The following NRG1 variants were observed in gnomAD, a reference collection of about 807,000 sequenced individuals.
NRG1 encodes the protein pro-neuregulin-1, membrane-bound isoform.
In NRG1, 18 loss-of-function variants were observed where a neutral mutation model predicts 63.8. That is an observed-to-expected ratio of 0.28 (90% CI 0.19 to 0.42). NRG1 has a LOEUF of 0.42. Ranked by LOEUF, NRG1 falls within the 10% of genes least tolerant of loss-of-function variation. The pLI, the probability that NRG1 is intolerant of heterozygous loss-of-function variation, is 1.00. For synonymous variants in NRG1, 302 were observed against 301.3 expected (o/e 1.00, Z -0.02); for missense variants, 762 against 814.7 (o/e 0.94, Z 0.79).
intron 1 of NRG1, among the ~76,000 whole-genome samples, chr8:32,341,464 A>G (rs16879188): frequency 0.093 from 14,137 of 152,204 alleles, 893 homozygotes; most frequent in African/African-American, 0.17. Context: ...CAGAGGAATG[A>G]GGCATTTCGC....
chr8:32,576,375 G>A (rs2466072), intron 1 of NRG1, among the ~76,000 whole-genome samples: 73,551 of 151,602 alleles, frequency 0.49, 18,033 homozygotes, highest in East Asian at 0.78. Context: ...ATTGACTCCT[G>A]GCTATTATTT....
chr8:31,742,382 A>C (rs907966094), intron 1 of NRG1, among the ~76,000 whole-genome samples: 1 of 151,178 alleles, frequency 6.6e-6, no homozygotes, highest in East Asian at 1.9e-4. Context: ...TATTTTATAA[A>C]TATATTCTGC....
chr8:31,882,460 C>T (rs548154025), intron 1 of NRG1, among the ~76,000 whole-genome samples: 2 of 151,746 alleles, frequency 1.3e-5, no homozygotes, highest in South Asian at 2.1e-4. Context: ...CCTACTAACA[C>T]AACATCCATT....
At chr8:32,259,625 C>A (rs535975769) in intron 1 of NRG1, among the ~76,000 whole-genome samples, 1 of 152,314 alleles carries the variant, frequency 6.6e-6, no homozygotes, top group South Asian at 2.1e-4. Flanking sequence ...CCTCCCCCAA[C>A]AGTTCATGTT....
At chr8:32,248,586 C>T (rs1848803149) in intron 1 of NRG1, among the ~76,000 whole-genome samples, 1 of 151,944 alleles carries the variant, frequency 6.6e-6, no homozygotes. Context: ...TAGCTTCAAT[C>T]CAAGGTTTTA....
intron 5 of NRG1, among the ~76,000 whole-genome samples, chr8:32,629,436 T>A (rs1477204287): frequency 6.6e-6 from 1 of 152,188 alleles, no homozygotes; most frequent in Admixed American, 6.5e-5. Context: ...CCAGGGAGTA[T>A]TTATTAAATG....
chr8:32,040,711 CATAT>C (rs67857068), intron 1 of NRG1, among the ~76,000 whole-genome samples: 3,685 of 85,202 alleles, frequency 0.043, 151 homozygotes, highest in African/African-American at 0.069. Context: ...GAAATTTAGG[CATAT>C]ATATATATAT....
chr8:32,229,387 G>C, intron 1 of NRG1, among the ~76,000 whole-genome samples: 1 of 152,176 alleles, frequency 6.6e-6, no homozygotes, highest in East Asian at 1.9e-4. Flanking sequence ...GGGTTCTCCT[G>C]ATTGGGCAAG....
At chr8:31,836,664 C>A (rs185994450) in intron 1 of NRG1, among the ~76,000 whole-genome samples, 1 of 152,068 alleles carries the variant, frequency 6.6e-6, no homozygotes, top group East Asian at 1.9e-4. Context: ...TTGCACGTAC[C>A]AACTGTAGTT....
intron 1 of NRG1, among the ~76,000 whole-genome samples, chr8:32,470,013 A>C (rs1346238296): frequency 2.1e-5 from 3 of 142,614 alleles, no homozygotes. Context: ...GCCAGCCACA[A>C]CGCCCACGCC....
intron 1 of NRG1, among the ~76,000 whole-genome samples, chr8:31,951,937 T>A: frequency 6.6e-6 from 1 of 152,172 alleles, no homozygotes. Flanking sequence ...AAGACAAAAA[T>A]TCCACTCACA....
chr8:31,928,831 C>T (rs1290134875), intron 1 of NRG1, among the ~76,000 whole-genome samples: 1 of 152,120 alleles, frequency 6.6e-6, no homozygotes, highest in African/African-American at 2.4e-5. Flanking sequence ...TATTTAAAGG[C>T]ATCCAGGGTG....
intron 1 of NRG1, among the ~76,000 whole-genome samples, chr8:31,795,769 G>T (rs1476594186): frequency 1.3e-5 from 2 of 152,082 alleles, no homozygotes; most frequent in Non-Finnish European, 2.9e-5. Context: ...TAGTGGTTAA[G>T]GTGCTTAGGT....
exon 1 of NRG1, chr8:32,548,678 C>T (rs1193200041): frequency 1.9e-6 from 3 of 1,543,142 alleles, no homozygotes; most frequent in African/African-American, 2.7e-5. Context: ...TTGGACCAAA[C>T]TCGCCTGCGC....
At chr8:31,956,732 G>A (rs1804503235) in intron 1 of NRG1, among the ~76,000 whole-genome samples, 1 of 152,214 alleles carries the variant, frequency 6.6e-6, no homozygotes, top group East Asian at 1.9e-4. Flanking sequence ...CTTGTAAGCA[G>A]CAGAACTGGG....
intron 1 of NRG1, among the ~76,000 whole-genome samples, chr8:32,356,574 G>A (rs1194119725): frequency 6.6e-6 from 1 of 151,008 alleles, no homozygotes; most frequent in African/African-American, 2.4e-5. Context: ...TAAGGTCCTG[G>A]GCCTGTTCTA....
At chr8:32,616,035 T>C (rs1847301107) in intron 4 of NRG1, among the ~76,000 whole-genome samples, 1 of 152,140 alleles carries the variant, frequency 6.6e-6, no homozygotes, top group African/African-American at 2.4e-5. Context: ...ACTATAACTA[T>C]TATTTCTTAA....
At chr8:31,998,150 C>T (rs1812323194) in intron 1 of NRG1, among the ~76,000 whole-genome samples, 2 of 151,920 alleles carry the variant, frequency 1.3e-5, no homozygotes, top group Admixed American at 1.3e-4. Context: ...GATGGCTCCC[C>T]ATTGGGTAAC....
intron 1 of NRG1, among the ~76,000 whole-genome samples, chr8:32,384,368 T>C (rs1045675379): frequency 2.6e-5 from 4 of 152,238 alleles, no homozygotes; most frequent in Non-Finnish European, 5.9e-5. Context: ...TTAGAAGTGA[T>C]TCTTTTAGCA....
Sources: allele counts gnomAD v4.1 joint callset (sites outside exome capture counted in the v4.1 genomes callset), GRCh38; gene constraint gnomAD v4.1.1; transcripts MANE v1.5; gene names NCBI Gene and HGNC (gene_info 2026-07-23, HGNC 2026-07-21).